XKRX: variants seen among roughly 807,000 people sequenced by gnomAD.
XKRX encodes XK-related protein 2.
A neutral mutation model predicts 22.4 loss-of-function variants in XKRX; 11 were observed. The observed-to-expected ratio is 0.49, with a 90% CI of 0.31 to 0.81. The LOEUF (loss-of-function observed/expected upper bound fraction) is 0.81. Ranked by LOEUF, XKRX falls within the 40% of genes least tolerant of loss-of-function variation. The probability of loss-of-function intolerance (pLI) is 0.05; values close to 1 mark genes in which losing one functional copy is unlikely to be tolerated. For synonymous variants in XKRX, 114 were observed against 132.2 expected, an observed-to-expected ratio of 0.86 and a Z score of 0.94; for missense variants, 320 against 336.5, an observed-to-expected ratio of 0.95 and a Z score of 0.38.
At chrX:100,956,569 A>G in the XKRX span, 1 of 438,464 alleles carries the variant, frequency 2.3e-6, no homozygotes, top group Non-Finnish European at 4.1e-6. Context: ...AGGTGAGGGG[A>G]GTGGATAGGA....
chrX:100,951,516 C>T, the XKRX span, among the ~76,000 whole-genome samples: 2 of 110,200 alleles, frequency 1.8e-5, no homozygotes, highest in Middle Eastern at 4.7e-3. Context: ...ACCCATCTCA[C>T]CTTAAGAAAC....
At chrX:100,911,539 A>C, downstream of XKRX, 14 of 569,737 alleles carry the variant, frequency 2.5e-5, no homozygotes, top group African/African-American at 2.2e-5. Context: ...AATTGAAAAA[A>C]CTGCCATTAC....
chrX:100,899,790 C>T, the XKRX span, among the ~76,000 whole-genome samples: 18 of 111,235 alleles, frequency 1.6e-4, no homozygotes, highest in African/African-American at 5.9e-4. Flanking sequence ...GTGAATTAAA[C>T]CAAGGAAGGG....
At chrX:100,889,102 T>C in the XKRX span, among the ~76,000 whole-genome samples, 1 of 108,068 alleles carries the variant, frequency 9.3e-6, no homozygotes, top group Non-Finnish European at 1.9e-5. Flanking sequence ...TAGCCGGGCA[T>C]GGTGGTGCGT....
chrX:100,951,344 C>A, the XKRX span, among the ~76,000 whole-genome samples: 2 of 103,713 alleles, frequency 1.9e-5, no homozygotes, highest in African/African-American at 7.1e-5. Flanking sequence ...CATTAGAAGC[C>A]CAAACCTCAG....
At chrX:100,916,020 T>A (rs2085433511) in intron 2 of XKRX, among the ~76,000 whole-genome samples, 1 of 108,875 alleles carries the variant, frequency 9.2e-6, no homozygotes, top group Non-Finnish European at 1.9e-5. Flanking sequence ...ATGACTATAG[T>A]TGACAATAAT....
chrX:100,939,088 G>A, the XKRX span, among the ~76,000 whole-genome samples: 1 of 110,934 alleles, frequency 9.0e-6, no homozygotes, highest in Admixed American at 9.7e-5. Context: ...TATCATTTAT[G>A]GTATGCTACA....
chrX:100,900,246 G>A, the XKRX span, among the ~76,000 whole-genome samples: 3 of 110,495 alleles, frequency 2.7e-5, no homozygotes, highest in Non-Finnish European at 5.7e-5. Context: ...TTTTTGTAGA[G>A]ATGGGGGTCT....
At chrX:100,934,594 G>A in the XKRX span, among the ~76,000 whole-genome samples, 1 of 111,804 alleles carries the variant, frequency 8.9e-6, no homozygotes, top group Non-Finnish European at 1.9e-5. Context: ...ATCTAGACTG[G>A]TGTGTGACCA....
upstream of XKRX, among the ~76,000 whole-genome samples, chrX:100,932,832 C>T (rs1218862267): frequency 2.7e-5 from 3 of 112,188 alleles, no homozygotes; most frequent in East Asian, 5.6e-4. Flanking sequence ...GATGGCTTCC[C>T]TCTAAAGAAT....
downstream of XKRX, chrX:100,910,923 A>G (rs2085404846): frequency 3.5e-6 from 2 of 573,913 alleles, no homozygotes; most frequent in East Asian, 6.5e-5. Context: ...GAAAAGAGAA[A>G]CACCAAACAC....
downstream of XKRX, among the ~76,000 whole-genome samples, chrX:100,912,576 T>C (rs949246832): frequency 8.1e-5 from 9 of 111,693 alleles, no homozygotes; most frequent in East Asian, 8.5e-4. Context: ...AAGAGTAAAA[T>C]TGGATGAGGA....
Position 100,914,855 on chromosome X carries a change from A to G in XKRX, c.833T>C (p.Leu278Pro). 8.3e-7 allele frequency: 1 copy of G among 1,211,984 alleles called. No individual in the cohort carries two copies. The highest frequency in any genetic ancestry group is 1.1e-6 in the Non-Finnish European group (1 of 895,620). ...AATCCAGGGCTCAAAGAGGATGATC[A>G]GGAAGTTGAGCACTAGGAAGGGCAC... Reference protein sequence around the residue: ...KAVPFLVLNFLIILFEPWIKF... With the variant: ...KAVPFLVLNFPIILFEPWIKF... Residue 278 changes from leucine (L) to proline (P), a missense_variant, in exon 3 of 3, where the codon CTG becomes CCG. Transcript: ENST00000372956.
intron 1 of XKRX, among the ~76,000 whole-genome samples, chrX:100,926,035 C>T (rs1245373011): frequency 8.9e-6 from 1 of 112,041 alleles, no homozygotes; most frequent in African/African-American, 3.2e-5. Context: ...CTCCTTCAGG[C>T]AGGTCATGAA....
At chrX:100,905,945 G>A in the XKRX span, among the ~76,000 whole-genome samples, 2 of 111,854 alleles carry the variant, frequency 1.8e-5, no homozygotes, top group Non-Finnish European at 3.8e-5. Context: ...TGAACATATA[G>A]TTTAAGATAT....
At chrX:100,887,740 A>C in the XKRX span, 8 of 733,629 alleles carry the variant, frequency 1.1e-5, no homozygotes, top group Non-Finnish European at 1.7e-5. Flanking sequence ...CATAGGGGCC[A>C]GAGCTTCTGC....
chrX:100,901,986 C>T, the XKRX span, among the ~76,000 whole-genome samples: 19 of 100,396 alleles, frequency 1.9e-4, no homozygotes, highest in Middle Eastern at 5.1e-3. Flanking sequence ...GCAACAACAG[C>T]GAAACTCCAT....
intron 2 of XKRX, among the ~76,000 whole-genome samples, chrX:100,920,763 A>C (rs1171627140): frequency 9.0e-6 from 1 of 111,496 alleles, no homozygotes; most frequent in Non-Finnish European, 1.9e-5. Context: ...TTTGTTATTT[A>C]TTTATTTATT....
chrX:100,917,674 A>AAAGAAAGG (rs34196882), intron 2 of XKRX, among the ~76,000 whole-genome samples: 1 of 25,413 alleles, frequency 3.9e-5, no homozygotes, highest in African/African-American at 1.8e-4. Context: ...AGAAAGAAAG[A>AAAGAAAGG]AAAGAAAGAA....
Sources: allele counts gnomAD v4.1 joint callset (sites outside exome capture counted in the v4.1 genomes callset), GRCh38; gene constraint gnomAD v4.1.1; transcripts MANE v1.5; gene names NCBI Gene and HGNC (gene_info 2026-07-23, HGNC 2026-07-21).